PNLIPRP3: variants seen among roughly 807,000 people sequenced by gnomAD.
The protein encoded by PNLIPRP3 is pancreatic lipase related protein 3, also known as pancreatic lipase-related protein 3.
Under a neutral mutation model 52.8 loss-of-function variants are expected in PNLIPRP3, and 58 were observed. The ratio of observed to expected loss-of-function variants is 1.10; its 90% CI spans 0.89 to 1.37. The LOEUF (loss-of-function observed/expected upper bound fraction) is 1.37, where lower values mean the gene tolerates loss of function less well. Ranked by LOEUF, PNLIPRP3 falls within the 40% of genes most tolerant of loss-of-function variation. PNLIPRP3 has a pLI of 0.00. For synonymous variants in PNLIPRP3, 192 were observed against 185.0 expected, an observed-to-expected ratio of 1.04 and a Z score of -0.31; for missense variants, 593 against 561.6, an observed-to-expected ratio of 1.06 and a Z score of -0.57.
chr10:116,449,865 C>A (rs924189870), intron 4 of PNLIPRP3, among the ~76,000 whole-genome samples: 2 of 152,116 alleles, frequency 1.3e-5, no homozygotes, highest in Non-Finnish European at 2.9e-5. Flanking sequence ...AAAATCTTAG[C>A]CAACTCAAGA....
In PNLIPRP3 at chr10:116,477,275, C is replaced by T. The variant is rs768662136; in HGVS notation, c.*122C>T. On this transcript the variant is annotated 3_prime_UTR_variant, in exon 12 of 12. Transcript: ENST00000369230. Reference sequence around the variant, plus strand: ...GACTTAGTCATTTACAAGGGTCTTACTCAGAGTCAAGTACGGGTTTGCTTT... The same window carrying T: ...GACTTAGTCATTTACAAGGGTCTTATTCAGAGTCAAGTACGGGTTTGCTTT... The T allele has an allele frequency of 5.1e-5, 36 of 706,274 alleles. No homozygotes were observed. Among genetic ancestry groups the T allele is most frequent in the Non-Finnish European group, 7.8e-5 (34 of 438,182 alleles). The allele number at this position is 706,274 out of a possible 1,614,324, so 43.8% of individuals were successfully genotyped here.
intron 7 of PNLIPRP3, 101 bp from the exon 8 acceptor site, chr10:116,465,949 A>T: frequency 1.2e-6 from 1 of 841,228 alleles, no homozygotes; most frequent in Non-Finnish European, 2.0e-6. Context: ...GGCCCTCCCA[A>T]CTCAAGAAGA....
At chr10:116,464,887 C>T (rs1414996633) in intron 7 of PNLIPRP3, among the ~76,000 whole-genome samples, 1 of 152,232 alleles carries the variant, frequency 6.6e-6, no homozygotes, top group African/African-American at 2.4e-5. Flanking sequence ...AGCTCTTGGG[C>T]TGTCCCAGCC....
chr10:116,469,714 G>A (rs2133155425), intron 9 of PNLIPRP3, among the ~76,000 whole-genome samples: 1 of 152,254 alleles, frequency 6.6e-6, no homozygotes, highest in South Asian at 2.1e-4. Context: ...GGCCCTGCCA[G>A]GATTGTAGAG....
At chr10:116,431,290 C>G (rs1845706219) in intron 1 of PNLIPRP3, among the ~76,000 whole-genome samples, 1 of 152,096 alleles carries the variant, frequency 6.6e-6, no homozygotes, top group Non-Finnish European at 1.5e-5. Context: ...CTTTTCTGCT[C>G]AGAGCCCTCC....
chr10:116,443,651 TG>T (rs1431354938), intron 3 of PNLIPRP3, among the ~76,000 whole-genome samples: 1 of 2,458 alleles, frequency 4.1e-4, no homozygotes, highest in African/African-American at 5.4e-4. Context: ...AACACATATG[TG>T]TTTATATATA....
intron 7 of PNLIPRP3, among the ~76,000 whole-genome samples, chr10:116,462,197 A>G (rs1442101513): frequency 2.0e-5 from 3 of 152,098 alleles, no homozygotes; most frequent in Non-Finnish European, 4.4e-5. Flanking sequence ...TAATAGTTAC[A>G]ATATCTATAT....
intron 10 of PNLIPRP3, among the ~76,000 whole-genome samples, chr10:116,473,726 T>G (rs1178382965): frequency 6.6e-6 from 1 of 151,922 alleles, no homozygotes; most frequent in Non-Finnish European, 1.5e-5. Context: ...TCACCATGTT[T>G]GCCAGGCTGA....
chr10:116,444,067 C>G (rs922822461), intron 3 of PNLIPRP3, among the ~76,000 whole-genome samples: 2 of 151,812 alleles, frequency 1.3e-5, no homozygotes, highest in Admixed American at 6.6e-5. Context: ...CACTAGGCAG[C>G]AGGAAGGAGA....
Position 116,468,126 on chromosome 10 carries a change from C to CAAAA in PNLIPRP3, c.928-1036_928-1033dup, listed in dbSNP as rs5788168. ...GGCAACAGAGCCAGACTCTGTCTCGCAAAAAAAAAAAAAAAAAAAAAAAAA... is the reference window on the plus strand; with the variant it reads ...GGCAACAGAGCCAGACTCTGTCTCGCAAAAAAAAAAAAAAAAAAAAAAAAAAAAA... On this transcript the variant is annotated intron_variant, in intron 8 of 11. Transcript: ENST00000369230. Among the ~76,000 whole-genome samples, 33 of 39,508 alleles carry CAAAA rather than the reference C, an allele frequency of 8.4e-4. 4 individuals are homozygous for CAAAA. The highest frequency in any genetic ancestry group is 0.015 in the Middle Eastern group (1 of 68). The allele number at this position is 39,508 out of a possible 152,430, so 25.9% of individuals were successfully genotyped here.
Position 116,427,878 on chromosome 10 carries a change from A to G in PNLIPRP3, c.-135A>G, listed in dbSNP as rs1166832436. The G allele has an allele frequency of 5.7e-6, 4 of 702,480 alleles. No individual in the cohort carries two copies. The highest frequency in any genetic ancestry group is 1.0e-5 in the Non-Finnish European group (4 of 390,764). The allele number at this position is 702,480 out of a possible 1,614,324, so 43.5% of individuals were successfully genotyped here. On this transcript the variant is annotated 5_prime_UTR_variant, in exon 1 of 12. An upstream start codon of the reference 5' UTR is lost. Coordinates refer to ENST00000369230, the MANE Select transcript of PNLIPRP3 (RefSeq NM_001011709.3). ...TTTGCAGAGCATAAGGTGGAATAAC[A>G]TGTTCTTTTAAACGTAGAGTTTAAA...
chr10:116,432,114 A>G (rs1845716573), intron 1 of PNLIPRP3, among the ~76,000 whole-genome samples: 2 of 152,174 alleles, frequency 1.3e-5, no homozygotes, highest in African/African-American at 4.8e-5. Context: ...ACTAGATTAT[A>G]TACTCCATGA....
chr10:116,477,073 T>C lies in PNLIPRP3; in HGVS notation c.1341-17T>C, dbSNP rs777632329. 4.5e-6 allele frequency: 7 copies of C among 1,559,424 alleles called. No homozygotes were observed. The highest frequency in any genetic ancestry group is 6.1e-6 in the Non-Finnish European group (7 of 1,145,342). The stretch of plus-strand genomic sequence containing the variant: ...ATCAGGTTAAAATTCCTTTTTTTTT[T>C]CCTTAAAAACTTTCAGATCTACCTT... On this transcript the variant is annotated splice_polypyrimidine_tract_variant and intron_variant, in intron 11 of 11. Coordinates refer to ENST00000369230, the MANE Select transcript of PNLIPRP3 (RefSeq NM_001011709.3).
intron 4 of PNLIPRP3, among the ~76,000 whole-genome samples, chr10:116,446,574 T>G (rs1391914401): frequency 2.6e-5 from 4 of 152,158 alleles, no homozygotes; most frequent in Non-Finnish European, 5.9e-5. Flanking sequence ...ATGATAATTA[T>G]GAGAGCCTGA....
At chr10:116,460,473 C>T (rs12257773) in intron 5 of PNLIPRP3, among the ~76,000 whole-genome samples, 12,723 of 152,260 alleles carry the variant, frequency 0.084, 670 homozygotes, top group African/African-American at 0.15. Flanking sequence ...AGTCACTTCA[C>T]TTCCCTGGGC....
At chr10:116,466,235 A>G in intron 8 of PNLIPRP3, 67 bp downstream of exon 8, 1 of 1,193,416 alleles carries the variant, frequency 8.4e-7, no homozygotes, top group Non-Finnish European at 1.2e-6. Context: ...CATCCAGCTA[A>G]ACATTAGGGC....
chr10:116,438,370 A>G (rs970303290), intron 2 of PNLIPRP3, among the ~76,000 whole-genome samples: 7 of 152,196 alleles, frequency 4.6e-5, no homozygotes, highest in African/African-American at 1.7e-4. Context: ...CTGTAACCTC[A>G]GGGCTTACTT....
At chr10:116,433,898 G>A (rs367714182) in intron 1 of PNLIPRP3, among the ~76,000 whole-genome samples, 70 of 152,296 alleles carry the variant, frequency 4.6e-4, no homozygotes, top group African/African-American at 1.3e-3. Flanking sequence ...GATGTGAGGG[G>A]CTGTTTATTA....
chr10:116,427,953 G>C lies in PNLIPRP3; in HGVS notation c.-60G>C. 1 of 1,289,798 alleles carries C rather than the reference G, an allele frequency of 7.8e-7. No homozygotes were observed. The highest frequency in any genetic ancestry group is 1.1e-6 in the Non-Finnish European group (1 of 889,676). The allele number at this position is 1,289,798 out of a possible 1,614,324, so 79.9% of individuals were successfully genotyped here. Reference sequence around the variant, plus strand: ...AAACCACTTAGTATTTTATAGTGAGGTGACTTTACAAGTAAAGATCTTCAA... The same window carrying C: ...AAACCACTTAGTATTTTATAGTGAGCTGACTTTACAAGTAAAGATCTTCAA... On this transcript the variant is annotated 5_prime_UTR_variant, in exon 1 of 12. Coordinates refer to ENST00000369230, the MANE Select transcript of PNLIPRP3 (RefSeq NM_001011709.3).
Sources: allele counts gnomAD v4.1 joint callset (sites outside exome capture counted in the v4.1 genomes callset), GRCh38; gene constraint gnomAD v4.1.1; transcripts MANE v1.5; gene names NCBI Gene and HGNC (gene_info 2026-07-23, HGNC 2026-07-21).